SEC16A: variants seen among roughly 807,000 people sequenced by gnomAD.
SEC16A encodes protein transport protein Sec16A.
In SEC16A, 110 loss-of-function variants were observed where a neutral mutation model predicts 221.9. The ratio of observed to expected loss-of-function variants is 0.50; its 90% CI spans 0.42 to 0.58. The LOEUF is 0.58. SEC16A is among the 20% of genes least tolerant of loss of function. SEC16A has a pLI of 0.00. For synonymous variants in SEC16A, 1,393 were observed against 1,257.7 expected, an observed-to-expected ratio of 1.11 and a Z score of -2.28; for missense variants, 3,165 against 3,097.8, an observed-to-expected ratio of 1.02 and a Z score of -0.52.
upstream of SEC16A, chr9:136,483,801 G>GGCC (rs1842710523): frequency 2.0e-6 from 2 of 985,260 alleles, no homozygotes; most frequent in Non-Finnish European, 2.4e-6. Context: ...AGGCGGCGGC[G>GGCC]GCCGCGCATG....
chr9:136,477,556 A>C lies in SEC16A; in HGVS notation c.60T>G (p.Asn20Lys), dbSNP rs376248122. 109 of 1,613,126 alleles carry C rather than the reference A, an allele frequency of 6.8e-5. No homozygotes were observed. The highest frequency in any genetic ancestry group is 8.5e-5 in the Non-Finnish European group (100 of 1,179,724). ...SGMAGPPPAGNPRSVFWASSP... is the reference protein window; with the variant it reads ...SGMAGPPPAGKPRSVFWASSP... ...TGCTAGCCCAGAACACGCTCCGAGG[A>C]TTCCCGGCTGGAGGTGGCCCAGCCA... The change falls in exon 3 of 32, where the codon AAT (asparagine) becomes AAG (lysine). Residue 20 changes from asparagine to lysine, a missense_variant. Asn to Lys is a moderately conservative substitution (Grantham distance 94, BLOSUM62 0). Transcript: ENST00000684901.
intron 23 of SEC16A, among the ~76,000 whole-genome samples, chr9:136,449,494 C>T (rs1837487945): frequency 2.0e-5 from 3 of 152,336 alleles, no homozygotes; most frequent in Admixed American, 6.5e-5. Context: ...ATGATCTGCT[C>T]GCCTCAGCAT....
chr9:136,459,623 G>T lies in SEC16A; in HGVS notation c.5192-68C>A. The stretch of plus-strand genomic sequence containing the variant: ...GGGAGCGCTTGCAGAAGTCAAGGAC[G>T]CGCACAGAAGGCACCAGAGACGCCA... On this transcript the variant is annotated intron_variant, in intron 15 of 31. Coordinates refer to ENST00000684901, the MANE Select transcript of SEC16A (RefSeq NM_014866.2). This position sits in a 1 kb window ranked among gnomAD's most constrained non-coding sequence, Gnocchi z 6.1. The T allele has an allele frequency of 7.2e-7, 1 of 1,383,044 alleles. No individual in the cohort carries two copies. Among genetic ancestry groups the T allele is most frequent in the Non-Finnish European group, 1.0e-6 (1 of 998,422 alleles). 85.7% of individuals were successfully genotyped at this position (1,383,044 alleles called of 1,614,324 possible).
At position 136,475,547 on chromosome 9, in the gene SEC16A, G is replaced by T; in HGVS notation, c.2069C>A (p.Pro690Gln). 1 of 1,613,328 alleles carries T rather than the reference G, an allele frequency of 6.2e-7. No homozygotes were observed. Among genetic ancestry groups the T allele is most frequent in the South Asian group, 1.1e-5 (1 of 91,000 alleles). ...NSTTEAVHML[P>Q]HAGAPPLDTV... ...ATCCAAGGGCGGTGCCCCTGCGTGC[G>T]GAAGCATGTGCACAGCTTCCGTGGT... is the stretch of plus-strand genomic sequence containing the variant. Residue 690 changes from proline (P) to glutamine (Q), a missense_variant, in exon 3 of 32, where the codon CCG becomes CAG. By Grantham distance (76) the Pro-to-Gln change is moderately conservative. This residue lies in a region of SEC16A where 2,030 missense variants were observed against 1,923.1 expected (regional missense o/e 1.06). Transcript: ENST00000684901. The surrounding 1 kb of genome is among the most constrained non-coding windows in gnomAD (Gnocchi z 5.0).
In SEC16A at chr9:136,459,492, A is replaced by T; in HGVS notation, c.5255T>A (p.Val1752Asp). The T allele has an allele frequency of 1.9e-6, 3 of 1,608,518 alleles. No individual in the cohort carries two copies. Among genetic ancestry groups the T allele is most frequent in the Middle Eastern group, 1.7e-4 (1 of 6,052 alleles). The part of the protein sequence containing the change: ...CYLMAQAGFG[V>D]YTKKTTKLVL... The stretch of plus-strand genomic sequence containing the variant: ...AAGCTTTGTAGTTTTCTTCGTGTAA[A>T]CACCAAATCCCGCCTGGGCCATGAG... The change falls in exon 16 of 32, where the codon GTT becomes GAT. Residue 1752 changes from valine to aspartate, a missense_variant. Coordinates refer to ENST00000684901, the MANE Select transcript of SEC16A (RefSeq NM_014866.2). The surrounding 1 kb of genome is among the most constrained non-coding windows in gnomAD (Gnocchi z 6.1).
rs1837889882 is a variant in SEC16A at position 136,452,072 on chromosome 9, G to A, written c.6160-664C>T. Among the ~76,000 whole-genome samples, 3 of 152,176 alleles carry A rather than the reference G, an allele frequency of 2.0e-5. No homozygotes were observed. The South Asian group carries it at 6.2e-4, about 31-fold the overall frequency. On this transcript the variant is annotated intron_variant, in intron 22 of 31. Coordinates refer to ENST00000684901, the MANE Select transcript of SEC16A (RefSeq NM_014866.2). ...ATAAATCTCACTTTCAGGAAAACCAGTGACAATGTTAGAAATTCTACTGAA... is the reference window on the plus strand; with the variant it reads ...ATAAATCTCACTTTCAGGAAAACCAATGACAATGTTAGAAATTCTACTGAA...
At chr9:136,455,367 ATTTATG>A (rs887053040) in intron 20 of SEC16A, among the ~76,000 whole-genome samples, 6 of 152,096 alleles carry the variant, frequency 3.9e-5, no homozygotes, top group Admixed American at 1.3e-4. Context: ...GCACATGGAT[ATTTATG>A]GACATGGAAA....
chr9:136,480,008 AAAG>A lies in SEC16A; in HGVS notation c.-191-1181_-191-1179del, dbSNP rs550963436. On this transcript the variant is annotated intron_variant, in intron 1 of 31. Coordinates refer to ENST00000684901, the MANE Select transcript of SEC16A (RefSeq NM_014866.2). Reference sequence around the variant, plus strand: ...CAGAGTGAAACTGTCTCAAAAAAAAAAAGAAGAAAACACTGATCAATGTATTTT... The same window carrying A: ...CAGAGTGAAACTGTCTCAAAAAAAAAAAGAAAACACTGATCAATGTATTTT... Among the ~76,000 whole-genome samples the A allele has an allele frequency of 4.3e-4, 66 of 152,278 alleles. 1 individual carries two copies. The South Asian group carries it at 5.0e-3, about 12-fold the overall frequency.
chr9:136,445,384 A>G (rs1836821931), intron 29 of SEC16A, among the ~76,000 whole-genome samples: 1 of 152,182 alleles, frequency 6.6e-6, no homozygotes, highest in Admixed American at 6.5e-5. Context: ...ACAATTCAAG[A>G]CAATTCCCGT....
In SEC16A at chr9:136,441,586, A is replaced by C; in HGVS notation, c.*169T>G. The C allele has an allele frequency of 1.7e-6, 1 of 591,416 alleles. No homozygotes were observed. Among genetic ancestry groups the C allele is most frequent in the Non-Finnish European group, 3.1e-6 (1 of 327,066 alleles). 36.6% of individuals were successfully genotyped at this position (591,416 alleles called of 1,614,324 possible). ...TGAAAGGATGGTGGAATTAATTTTC[A>C]AAATAATTCATTACGATGGGCGGTG... is the stretch of plus-strand genomic sequence containing the variant. On this transcript the variant is annotated 3_prime_UTR_variant, in exon 32 of 32. Transcript: ENST00000684901.
chr9:136,440,117 A>G lies in SEC16A; in HGVS notation c.*1638T>C, dbSNP rs1564440736. ...CAGGTGAAGGTGCTTGAAGGAGCGC[A>G]AAATATTTTATTCAACAATTTGCAA... On this transcript the variant is annotated 3_prime_UTR_variant, in exon 32 of 32. Transcript: ENST00000684901. 6.6e-6 allele frequency: 1 copy of G among 152,304 alleles called. No homozygotes were observed. Among genetic ancestry groups the G allele is most frequent in the Non-Finnish European group, 1.5e-5 (1 of 68,046 alleles). The allele number at this position is 152,304 out of a possible 1,614,324, so 9.4% of individuals were successfully genotyped here.
rs1841506571 is a variant in SEC16A at position 136,475,534 on chromosome 9, T to C, written c.2082A>G (p.Ala694=). The change falls in exon 3 of 32, where the codon GCA becomes GCG. Residue 694 remains alanine, a synonymous_variant. Transcript: ENST00000684901. This position sits in a 1 kb window ranked among gnomAD's most constrained non-coding sequence, Gnocchi z 5.0. ...CTGGATACACAGTATCCAAGGGCGG[T>C]GCCCCTGCGTGCGGAAGCATGTGCA... The part of the protein sequence containing the change: ...EAVHMLPHAG[A]PPLDTVYPAP... 2 of 1,613,172 alleles carry C rather than the reference T, an allele frequency of 1.2e-6. No individual in the cohort carries two copies. Among genetic ancestry groups the C allele is most frequent in the Admixed American group, 3.3e-5 (2 of 59,932 alleles).
In SEC16A at chr9:136,468,476, A is replaced by T. The variant is rs1385067982; in HGVS notation, c.3741T>A (p.Ser1247Arg). ...GYPEGYYSSKSGWSSQSDYYA... is the reference protein window; with the variant it reads ...GYPEGYYSSKRGWSSQSDYYA... ...AGTAATCGCTCTGACTGCTCCATCCACTTTTGGAACTATAGTATCCTTCAG... is the reference window on the plus strand; with the variant it reads ...AGTAATCGCTCTGACTGCTCCATCCTCTTTTGGAACTATAGTATCCTTCAG... The change falls in exon 5 of 32, where the codon AGT becomes AGA. Residue 1247 changes from serine (S) to arginine (R), a missense_variant. Physicochemically the swap from Ser to Arg is moderately radical, Grantham distance 110. Around this residue, in one of 3 missense-constraint regions of SEC16A, gnomAD observed 2,030 missense variants for 1,923.1 expected, o/e 1.06. Transcript: ENST00000684901. 1.2e-5 allele frequency: 19 copies of T among 1,613,128 alleles called. No individual in the cohort carries two copies. Among genetic ancestry groups the T allele is most frequent in the African/African-American group, 2.7e-5 (2 of 74,908 alleles).
intron 3 of SEC16A, 150 bp from the exon 4 acceptor site, chr9:136,472,261 C>T (rs1588988334): frequency 1.1e-6 from 1 of 886,520 alleles, no homozygotes; most frequent in East Asian, 2.6e-5. Flanking sequence ...GAGCTAGAAA[C>T]ATCGCAGATG....
chr9:136,469,397 A>G (rs1180608997), intron 4 of SEC16A, among the ~76,000 whole-genome samples: 1 of 152,220 alleles, frequency 6.6e-6, no homozygotes, highest in African/African-American at 2.4e-5. Context: ...CTCTCACTAC[A>G]GGAGAAGCAC....
chr9:136,458,148 T>C (rs1017574904), intron 17 of SEC16A, among the ~76,000 whole-genome samples: 3 of 150,598 alleles, frequency 2.0e-5, no homozygotes, highest in African/African-American at 4.9e-5. Flanking sequence ...TTTTTTTTTT[T>C]TGTAGAGACA....
intron 4 of SEC16A, among the ~76,000 whole-genome samples, chr9:136,471,158 C>A (rs890614284): frequency 6.6e-6 from 1 of 151,686 alleles, no homozygotes; most frequent in Non-Finnish European, 1.5e-5. Context: ...CAAGCAGAGG[C>A]GGCAATGTCA....
chr9:136,453,358 C>T, intron 22 of SEC16A, 70 bp downstream of exon 22: 3 of 1,121,700 alleles, frequency 2.7e-6, no homozygotes, highest in Non-Finnish European at 4.1e-6. Context: ...TACAACTCAA[C>T]AAGGAGTCTG....
Position 136,462,879 on chromosome 9 carries a change from A to C in SEC16A, c.4893+8T>G. On this transcript the variant is annotated splice_region_variant and intron_variant, in intron 12 of 31. Transcript: ENST00000684901. ...GCAGGCGCCAGGTGCCATGATGAGG[A>C]GGCGCACCTTCTTACGGCCATACAG... 6.3e-7 allele frequency: 1 copy of C among 1,598,606 alleles called. No individual in the cohort carries two copies. Among genetic ancestry groups the C allele is most frequent in the Non-Finnish European group, 8.5e-7 (1 of 1,178,890 alleles).
Sources: gnomAD v4.1 joint callset for allele counts (sites outside exome capture counted in the v4.1 genomes callset) on GRCh38, gnomAD v4.1.1 for gene constraint, gnomAD v4.1.1 regional missense constraint, Gnocchi (gnomAD v3.1) non-coding constraint, MANE v1.5 for transcripts, NCBI Gene and HGNC (gene_info 2026-07-23, HGNC 2026-07-21) for gene names.